LRRIQ1: variants seen among roughly 807,000 people sequenced by gnomAD.
LRRIQ1 encodes the protein leucine-rich repeat- and IQ domain-containing protein 1.
LRRIQ1 carries 210 observed loss-of-function variants against 211.9 expected under a neutral mutation model. The observed-to-expected ratio is 0.99, with a 90% confidence interval of 0.89 to 1.11. The LOEUF is 1.11. LRRIQ1 is among the 50% of genes most tolerant of loss of function. The probability of loss-of-function intolerance (pLI) is 0.00; values close to 1 mark genes in which losing one functional copy is unlikely to be tolerated. For missense variants in LRRIQ1, 2,136 were observed against 1,939.5 expected (o/e 1.10, Z -1.90); for synonymous variants, 699 against 650.1 (o/e 1.08, Z -1.14).
intron 24 of LRRIQ1, among the ~76,000 whole-genome samples, chr12:85,198,287 T>C (rs528408995): frequency 1.0e-4 from 15 of 149,808 alleles, no homozygotes; most frequent in African/African-American, 3.4e-4. Flanking sequence ...TCCATGTGTC[T>C]TTATGGTTCT....
chr12:85,209,166 C>T (rs945187432), intron 24 of LRRIQ1, among the ~76,000 whole-genome samples: 14 of 152,158 alleles, frequency 9.2e-5, no homozygotes, highest in Admixed American at 7.9e-4. Context: ...AGTTTGTTCT[C>T]ATGCTGCTAT....
At chr12:85,212,192 G>A (rs1174714676) in intron 24 of LRRIQ1, among the ~76,000 whole-genome samples, 2 of 152,054 alleles carry the variant, frequency 1.3e-5, no homozygotes, top group Non-Finnish European at 2.9e-5. Context: ...GGCTGAGGTG[G>A]GAGAATCACC....
chr12:85,074,106 A>G (rs142278606), intron 11 of LRRIQ1, among the ~76,000 whole-genome samples: 37 of 152,102 alleles, frequency 2.4e-4, no homozygotes, highest in African/African-American at 7.7e-4. Flanking sequence ...TATTCTTTTT[A>G]TTAGAAAATA....
At chr12:85,267,686 A>G (rs1453616792), downstream of LRRIQ1, among the ~76,000 whole-genome samples, 1 of 152,026 alleles carries the variant, frequency 6.6e-6, no homozygotes, top group African/African-American at 2.4e-5. Context: ...TTTTCTGTTA[A>G]CTTCAAAATA....
intron 24 of LRRIQ1, among the ~76,000 whole-genome samples, chr12:85,209,014 C>G (rs556553396): frequency 6.6e-6 from 1 of 152,204 alleles, no homozygotes; most frequent in South Asian, 2.1e-4. Context: ...TTAAACTCAC[C>G]AGTTACCTTA....
intron 11 of LRRIQ1, among the ~76,000 whole-genome samples, chr12:85,088,507 A>G (rs549050718): frequency 1.1e-3 from 173 of 152,226 alleles, no homozygotes; most frequent in Non-Finnish European, 1.8e-3. Context: ...CTTGATGGGG[A>G]TAGCATTGAA....
downstream of LRRIQ1, among the ~76,000 whole-genome samples, chr12:85,245,679 AC>A (rs956531582): frequency 6.6e-6 from 1 of 150,958 alleles, no homozygotes; most frequent in Non-Finnish European, 1.5e-5. Context: ...TCCTTATTTA[AC>A]CCTAGAGAGT....
At chr12:85,170,393 C>T (rs575385705) in intron 24 of LRRIQ1, among the ~76,000 whole-genome samples, 66 of 150,558 alleles carry the variant, frequency 4.4e-4, no homozygotes, top group African/African-American at 1.4e-3. Flanking sequence ...CATGCACAAA[C>T]GTGTTCTTAA....
intron 24 of LRRIQ1, among the ~76,000 whole-genome samples, chr12:85,178,048 A>G (rs1891800069): frequency 6.6e-6 from 1 of 152,102 alleles, no homozygotes; most frequent in African/African-American, 2.4e-5. Flanking sequence ...AGCGGTGCTC[A>G]GTATATGACA....
intron 26 of LRRIQ1, among the ~76,000 whole-genome samples, chr12:85,241,004 T>C (rs34316077): frequency 1.2e-3 from 177 of 152,218 alleles, no homozygotes; most frequent in Non-Finnish European, 2.2e-3. Flanking sequence ...TTTATACATA[T>C]GATAAAATGT....
rs569880453 is a variant in LRRIQ1, at chr12:85,090,835, A to G, written c.2888-7520A>G. Among the ~76,000 whole-genome samples, 22 of 152,260 alleles carry G rather than the reference A, an allele frequency of 1.4e-4. No individual in the cohort carries two copies. The East Asian group carries it at 3.7e-3, about 25-fold the overall frequency. ...TGGGAAGGCATGATTATATTTTACA[A>G]TGTGAGAAGGACATGATATTTGGGA... is the stretch of plus-strand genomic sequence containing the variant. On this transcript the variant is annotated intron_variant, in intron 11 of 26. Transcript: ENST00000393217.
chr12:85,206,434 G>C (rs1893548237), intron 24 of LRRIQ1, among the ~76,000 whole-genome samples: 1 of 152,128 alleles, frequency 6.6e-6, no homozygotes, highest in Non-Finnish European at 1.5e-5. Flanking sequence ...TTTTGTGCTG[G>C]CAATGGCAGC....
intron 1 of LRRIQ1, among the ~76,000 whole-genome samples, chr12:85,251,774 G>A (rs1485459599): frequency 2.4e-5 from 3 of 124,588 alleles, no homozygotes; most frequent in African/African-American, 1.5e-4. Flanking sequence ...ACGAGAAGTG[G>A]CGCAAAAAAA....
intron 6 of LRRIQ1, chr12:85,048,028 G>C (rs1879848291): frequency 6.5e-6 from 1 of 152,718 alleles, no homozygotes; most frequent in African/African-American, 2.4e-5. Flanking sequence ...GATCATAGTG[G>C]TGGTATATCG....
chr12:85,184,492 T>C (rs565531432), intron 24 of LRRIQ1, among the ~76,000 whole-genome samples: 58 of 152,176 alleles, frequency 3.8e-4, no homozygotes, highest in Admixed American at 1.0e-3. Flanking sequence ...AGTGTAATAA[T>C]CTAAACTTTA....
chr12:85,144,534 C>A (rs187504402), intron 19 of LRRIQ1, among the ~76,000 whole-genome samples: 1 of 151,434 alleles, frequency 6.6e-6, no homozygotes, highest in Admixed American at 6.6e-5. Flanking sequence ...TTCATATAAA[C>A]AAAACAGTAT....
intron 2 of LRRIQ1, among the ~76,000 whole-genome samples, chr12:85,038,767 G>A (rs1202100962): frequency 6.6e-6 from 1 of 151,304 alleles, no homozygotes; most frequent in African/African-American, 2.4e-5. Context: ...AAAATCTCCT[G>A]CACATATTGA....
At chr12:85,242,059 C>T (rs1011397788) in intron 26 of LRRIQ1, among the ~76,000 whole-genome samples, 8 of 151,796 alleles carry the variant, frequency 5.3e-5, no homozygotes, top group African/African-American at 1.7e-4. Flanking sequence ...AAAAGAGATC[C>T]GTTCCAAAAA....
chr12:85,051,077 A>G (rs1592700585), intron 6 of LRRIQ1, among the ~76,000 whole-genome samples: 1 of 152,140 alleles, frequency 6.6e-6, no homozygotes, highest in Non-Finnish European at 1.5e-5. Flanking sequence ...TGGATCCCTC[A>G]TGAATAGCTT....
Sources: allele counts gnomAD v4.1 joint callset (sites outside exome capture counted in the v4.1 genomes callset), GRCh38; gene constraint gnomAD v4.1.1; transcripts MANE v1.5; gene names NCBI Gene and HGNC (gene_info 2026-07-23, HGNC 2026-07-21).